Variants in IPO11 observed in about 807,000 individuals in gnomAD.
The protein encoded by IPO11 is importin 11, also known as importin-11.
A neutral mutation model predicts 143.2 loss-of-function variants in IPO11; 66 were observed. The observed-to-expected ratio is 0.46, with a 90% CI of 0.38 to 0.57. The LOEUF (loss-of-function observed/expected upper bound fraction) is 0.57. Ranked by LOEUF, IPO11 falls within the 20% of genes least tolerant of loss-of-function variation. The probability of loss-of-function intolerance (pLI) is 0.00; values close to 1 mark genes in which losing one functional copy is unlikely to be tolerated. For synonymous variants in IPO11, 385 were observed against 377.8 expected, an observed-to-expected ratio of 1.02 and a Z score of -0.22; for missense variants, 1,026 against 1,141.0, an observed-to-expected ratio of 0.90 and a Z score of 1.45.
At chr5:62,616,070 A>AGGGGGGGGGGGGGGGGGGGGGGGGGAG (rs67923113) in intron 29 of IPO11, among the ~76,000 whole-genome samples, 4 of 106,350 alleles carry the variant, frequency 3.8e-5, no homozygotes, top group African/African-American at 8.1e-5. Flanking sequence ...TGGGGGAGGA[A>AGGGGGGGGGGGGGGGGGGGGGGGGGAG]GGGGGGTGGC....
In IPO11 at chr5:62,620,080, TA is replaced by T. The variant is rs201122989; in HGVS notation, c.2764-7072del. Among the ~76,000 whole-genome samples the T allele has an allele frequency of 3.3e-3, 496 of 152,220 alleles. 8 individuals are homozygous for T. Among genetic ancestry groups the T allele is most frequent in the African/African-American group, 0.012 (484 of 41,544 alleles). On this transcript the variant is annotated intron_variant, in intron 29 of 29. Coordinates refer to ENST00000325324, the MANE Select transcript of IPO11 (RefSeq NM_016338.5). ...AAGAGTCATACTCTGTAAAATATTTTAAGAGATTTATTCTGAGCCAAATGTG... is the reference window on the plus strand; with the variant it reads ...AAGAGTCATACTCTGTAAAATATTTTAGAGATTTATTCTGAGCCAAATGTG...
At chr5:62,473,406 G>A (rs906829746) in intron 7 of IPO11, among the ~76,000 whole-genome samples, 1 of 152,126 alleles carries the variant, frequency 6.6e-6, no homozygotes, top group Admixed American at 6.5e-5. Context: ...TTTTTGATGA[G>A]TCAGTGGATG....
rs1465255000 is a variant in IPO11, at chr5:62,506,373, A to G, written c.1782+16A>G. 6.9e-7 allele frequency: 1 copy of G among 1,449,312 alleles called. No individual in the cohort carries two copies. The highest frequency in any genetic ancestry group is 2.3e-5 in the East Asian group (1 of 43,962). 89.8% of individuals were successfully genotyped at this position (1,449,312 alleles called of 1,614,324 possible). On this transcript the variant is annotated intron_variant, in intron 19 of 29. Coordinates refer to ENST00000325324, the MANE Select transcript of IPO11 (RefSeq NM_016338.5). ...CAACATGCAGGTAATTATATTGTAA[A>G]ACATGAAAATAAATGAGGGGTGGGT...
chr5:62,596,279 A>AAAAAAAG (rs1352489977), intron 28 of IPO11, among the ~76,000 whole-genome samples: 1 of 151,656 alleles, frequency 6.6e-6, no homozygotes, highest in Non-Finnish European at 1.5e-5. Flanking sequence ...AAAAAAAAAA[A>AAAAAAAG]AAAAGAATTT....
At chr5:62,501,220 T>G (rs1306442744) in intron 16 of IPO11, among the ~76,000 whole-genome samples, 1 of 152,188 alleles carries the variant, frequency 6.6e-6, no homozygotes, top group Admixed American at 6.5e-5. Flanking sequence ...GTACACTCTC[T>G]AATTTTTTTT....
At chr5:62,586,377 T>G (rs972938477) in intron 27 of IPO11, among the ~76,000 whole-genome samples, 6 of 152,132 alleles carry the variant, frequency 3.9e-5, no homozygotes, top group Admixed American at 3.3e-4. Flanking sequence ...GTAACACTGT[T>G]TTCCAGAGTA....
intron 29 of IPO11, among the ~76,000 whole-genome samples, chr5:62,609,368 A>G (rs114872664): frequency 0.027 from 4,051 of 152,324 alleles, 172 homozygotes; most frequent in African/African-American, 0.09. Flanking sequence ...CAGCACAAAA[A>G]GAAACAGCCT....
intron 24 of IPO11, among the ~76,000 whole-genome samples, chr5:62,539,941 T>G (rs1742870675): frequency 6.6e-6 from 1 of 152,186 alleles, no homozygotes; most frequent in Non-Finnish European, 1.5e-5. Context: ...AAGTGATTGG[T>G]GATGTGGGAG....
chr5:62,447,855 G>A (rs1744774439), intron 3 of IPO11, among the ~76,000 whole-genome samples: 1 of 151,988 alleles, frequency 6.6e-6, no homozygotes, highest in African/African-American at 2.4e-5. Context: ...CCAAAGTGCT[G>A]GTATTACAGT....
At chr5:62,427,297 T>G (rs1178408285) in intron 1 of IPO11, among the ~76,000 whole-genome samples, 2 of 152,104 alleles carry the variant, frequency 1.3e-5, no homozygotes, top group African/African-American at 4.8e-5. Context: ...AGCAGAAGTT[T>G]GTAGGTCCTT....
At chr5:62,523,540 A>G (rs914595520) in intron 20 of IPO11, among the ~76,000 whole-genome samples, 5 of 150,964 alleles carry the variant, frequency 3.3e-5, no homozygotes, top group African/African-American at 1.2e-4. Context: ...CAGAAAAAAG[A>G]TGATGAGAAC....
chr5:62,413,944 C>T (rs376034438), intron 1 of IPO11, among the ~76,000 whole-genome samples: 6 of 152,282 alleles, frequency 3.9e-5, no homozygotes, highest in African/African-American at 1.4e-4. Context: ...AAACATTTTC[C>T]CTTTTGGTTA....
chr5:62,579,016 G>T (rs1171068781), intron 27 of IPO11: 2 of 241,942 alleles, frequency 8.3e-6, no homozygotes, highest in South Asian at 9.3e-5. Flanking sequence ...GAATTTAATT[G>T]TTCTGTAGTG....
chr5:62,423,159 A>G (rs549366906), intron 1 of IPO11, among the ~76,000 whole-genome samples: 17 of 152,084 alleles, frequency 1.1e-4, no homozygotes, highest in Admixed American at 1.0e-3. Context: ...CATTCAGCAC[A>G]CTATTTACTC....
rs575603032 is a variant in IPO11 at position 62,595,309 on chromosome 5, A to C, written c.2678+3637A>C. Among the ~76,000 whole-genome samples the C allele has an allele frequency of 8.5e-5, 13 of 152,286 alleles. No individual in the cohort carries two copies. The East Asian group carries it at 2.5e-3, about 29-fold the overall frequency. On this transcript the variant is annotated intron_variant, in intron 28 of 29. Transcript: ENST00000325324. ...GAGATGAATTTGAGATATATTTTGG[A>C]GGAAGGATTAGCAGGAAATGGGGAC...
chr5:62,451,723 C>T lies in IPO11; in HGVS notation c.313-7C>T. 6.2e-7 allele frequency: 1 copy of T among 1,611,426 alleles called. No individual in the cohort carries two copies. The highest frequency in any genetic ancestry group is 8.5e-7 in the Non-Finnish European group (1 of 1,178,472). On this transcript the variant is annotated splice_polypyrimidine_tract_variant and splice_region_variant and intron_variant, in intron 4 of 29. Coordinates refer to ENST00000325324, the MANE Select transcript of IPO11 (RefSeq NM_016338.5). Reference sequence around the variant, plus strand: ...TTGATTCCATTTGTTTAATTTTTTCCTTTCAGATTGCAACTCAGATTGCAG... The same window carrying T: ...TTGATTCCATTTGTTTAATTTTTTCTTTTCAGATTGCAACTCAGATTGCAG...
At chr5:62,461,578 C>T (rs372227992) in intron 5 of IPO11, among the ~76,000 whole-genome samples, 1 of 152,136 alleles carries the variant, frequency 6.6e-6, no homozygotes, top group Non-Finnish European at 1.5e-5. Context: ...AGAGACCTTT[C>T]GTAGGCTAGC....
In IPO11 at chr5:62,551,319, C is replaced by T. The variant is rs1388025918; in HGVS notation, c.2443C>T (p.His815Tyr). 6.3e-6 allele frequency: 10 copies of T among 1,578,430 alleles called. No homozygotes were observed. The highest frequency in any genetic ancestry group is 8.7e-6 in the Non-Finnish European group (10 of 1,149,804). The change falls in exon 26 of 30, where the codon CAT (histidine) becomes TAT (tyrosine). Residue 815 changes from histidine (H) to tyrosine (Y), a missense_variant. Transcript: ENST00000325324. ...TTCTTCACTACTTAATGAGATGGCC[C>T]ATAAATTTAATCAGGAGGTAAGAAT... ...FFSSLLNEMA[H>Y]KFNQEMDQLL...
intron 26 of IPO11, among the ~76,000 whole-genome samples, chr5:62,552,105 C>G (rs1013815712): frequency 1.3e-5 from 2 of 151,972 alleles, no homozygotes; most frequent in African/African-American, 4.8e-5. Flanking sequence ...GCCTGGGCGA[C>G]AGAGAGAAAC....
Sources: gnomAD v4.1 joint callset for allele counts (sites outside exome capture counted in the v4.1 genomes callset) on GRCh38, gnomAD v4.1.1 for gene constraint, MANE v1.5 for transcripts, NCBI Gene and HGNC (gene_info 2026-07-23, HGNC 2026-07-21) for gene names.